NFATC2: variants seen among roughly 807,000 people sequenced by gnomAD.
NFATC2 encodes nuclear factor of activated T-cells, cytoplasmic 2.
In NFATC2, 22 loss-of-function variants were observed where a neutral mutation model predicts 87.3. The observed-to-expected ratio is 0.25, with a 90% CI of 0.18 to 0.36. The LOEUF is 0.36. Among genes scored for constraint, NFATC2 ranks in the 10% least tolerant of loss-of-function variants. The pLI is 1.00. For synonymous variants in NFATC2, 565 were observed against 542.2 expected (o/e 1.04, Z -0.58); for missense variants, 1,149 against 1,259.1 (o/e 0.91, Z 1.32).
upstream of NFATC2, among the ~76,000 whole-genome samples, chr20:51,546,103 A>G (rs117448080): frequency 0.015 from 2,339 of 152,316 alleles, 31 homozygotes; most frequent in Middle Eastern, 0.071. Flanking sequence ...AGGGAAGATC[A>G]CTTTGCAACT....
At chr20:51,516,564 C>T (rs1331140963) in intron 3 of NFATC2, among the ~76,000 whole-genome samples, 1 of 152,204 alleles carries the variant, frequency 6.6e-6, no homozygotes, top group Admixed American at 6.5e-5. Flanking sequence ...ACATGAATAT[C>T]ATTTCTATCC....
intron 10 of NFATC2, among the ~76,000 whole-genome samples, chr20:51,398,399 C>CGGGGAGCATGCAAGTTAA (rs1987540621): frequency 6.6e-6 from 1 of 152,180 alleles, no homozygotes; most frequent in African/African-American, 2.4e-5. Context: ...GCCCTGGAAT[C>CGGGGAGCATGCAAGTTAA]GGGGAGCATG....
chr20:51,508,415 A>G (rs1388182655), intron 3 of NFATC2, among the ~76,000 whole-genome samples: 3 of 152,182 alleles, frequency 2.0e-5, no homozygotes, highest in Non-Finnish European at 4.4e-5. Flanking sequence ...GCGGCGGGGC[A>G]GAGAGCAGTG....
intron 5 of NFATC2, among the ~76,000 whole-genome samples, chr20:51,458,738 G>A (rs936492892): frequency 1.3e-5 from 2 of 151,888 alleles, no homozygotes; most frequent in Admixed American, 6.6e-5. Context: ...TGCTTGAACC[G>A]GGGAGGCGGA....
At chr20:51,487,063 C>A (rs1282543931) in intron 3 of NFATC2, among the ~76,000 whole-genome samples, 1 of 152,214 alleles carries the variant, frequency 6.6e-6, no homozygotes, top group Non-Finnish European at 1.5e-5. Flanking sequence ...AAGACCAGAA[C>A]ACAAGGGGAA....
intron 9 of NFATC2, among the ~76,000 whole-genome samples, chr20:51,408,748 T>C (rs1046060445): frequency 1.3e-5 from 2 of 152,124 alleles, no homozygotes; most frequent in African/African-American, 4.8e-5. Flanking sequence ...GAAGACACTA[T>C]AGGAGAATCT....
intron 1 of NFATC2, among the ~76,000 whole-genome samples, chr20:51,561,484 A>AAAGAAAGAAAGC (rs2077029945): frequency 1.6e-3 from 146 of 90,026 alleles, no homozygotes; most frequent in Middle Eastern, 5.8e-3. Flanking sequence ...AGAAAGAAAG[A>AAAGAAAGAAAGC]AAGCAAGCAA....
chr20:51,416,721 C>T (rs1184005849), intron 9 of NFATC2, among the ~76,000 whole-genome samples: 2 of 152,126 alleles, frequency 1.3e-5, no homozygotes, highest in African/African-American at 2.4e-5. Flanking sequence ...TACATCATTT[C>T]CTTTAAACCT....
At chr20:51,453,380 A>G (rs1391347554) in intron 6 of NFATC2, among the ~76,000 whole-genome samples, 1 of 152,228 alleles carries the variant, frequency 6.6e-6, no homozygotes, top group Non-Finnish European at 1.5e-5. Flanking sequence ...AATCCCTCCA[A>G]CTGGACAACT....
intron 3 of NFATC2, among the ~76,000 whole-genome samples, chr20:51,504,448 T>G (rs921093182): frequency 2.4e-4 from 37 of 152,282 alleles, no homozygotes; most frequent in African/African-American, 8.7e-4. Context: ...TTTCCTGAAT[T>G]TTTCAAAATG....
intron 7 of NFATC2, 55 bp from the exon 8 acceptor site, chr20:51,435,369 C>G (rs1983409472): frequency 1.2e-6 from 2 of 1,610,958 alleles, no homozygotes; most frequent in Non-Finnish European, 1.7e-6. Context: ...AGTTCCTACC[C>G]AGACCCTAAG....
chr20:51,437,516 C>T (rs532438135), intron 6 of NFATC2, among the ~76,000 whole-genome samples: 44 of 152,202 alleles, frequency 2.9e-4, no homozygotes, highest in Non-Finnish European at 4.9e-4. Context: ...ATAGTCTTGG[C>T]TCTTAAGATT....
At chr20:51,437,970 C>T (rs909001389) in intron 6 of NFATC2, among the ~76,000 whole-genome samples, 1 of 151,924 alleles carries the variant, frequency 6.6e-6, no homozygotes, top group East Asian at 1.9e-4. Flanking sequence ...GGGCAGAATA[C>T]TTCGGCCCCC....
intron 10 of NFATC2, among the ~76,000 whole-genome samples, chr20:51,397,385 G>A (rs1038652295): frequency 6.6e-6 from 1 of 152,148 alleles, no homozygotes; most frequent in Non-Finnish European, 1.5e-5. Context: ...CAGAGCTGTG[G>A]GTGGGGTCTG....
chr20:51,509,928 C>A (rs1382554460), intron 3 of NFATC2, among the ~76,000 whole-genome samples: 1 of 152,236 alleles, frequency 6.6e-6, no homozygotes, highest in African/African-American at 2.4e-5. Context: ...CACCTCCCTG[C>A]AAAGCTCATT....
chr20:51,468,640 T>C (rs1480786912), intron 5 of NFATC2, among the ~76,000 whole-genome samples: 3 of 152,224 alleles, frequency 2.0e-5, no homozygotes, highest in Non-Finnish European at 4.4e-5. Context: ...TCCTGTCTCA[T>C]TGCAGCCTTT....
At chr20:51,472,158 G>A (rs1988267057) in intron 5 of NFATC2, among the ~76,000 whole-genome samples, 1 of 152,178 alleles carries the variant, frequency 6.6e-6, no homozygotes, top group Non-Finnish European at 1.5e-5. Flanking sequence ...GGAGGGCTGA[G>A]GCAGGAGAAT....
At chr20:51,543,975 A>ATTTTTTTTTTTTTTTT (rs11473264), upstream of NFATC2, among the ~76,000 whole-genome samples, 42 of 72,972 alleles carry the variant, frequency 5.8e-4, 6 homozygotes, top group Non-Finnish European at 8.6e-4. Context: ...AGAATTCCTA[A>ATTTTTTTTTTTTTTTT]TTTTTTTTTT....
At chr20:51,538,335 T>C (rs140600331) in intron 1 of NFATC2, among the ~76,000 whole-genome samples, 2 of 151,950 alleles carry the variant, frequency 1.3e-5, no homozygotes, top group African/African-American at 4.8e-5. Context: ...TTTCCATAGA[T>C]GCTAAAAAAG....
Sources: gnomAD v4.1 joint callset for allele counts (sites outside exome capture counted in the v4.1 genomes callset) on GRCh38, gnomAD v4.1.1 for gene constraint, MANE v1.5 for transcripts, NCBI Gene and HGNC (gene_info 2026-07-23, HGNC 2026-07-21) for gene names.